SLC12A2: variants seen among roughly 807,000 people sequenced by gnomAD.
SLC12A2 encodes the protein solute carrier family 12 member 2, also known as Na-K-2Cl cotransporter 1.
Under a neutral mutation model 136.3 loss-of-function variants are expected in SLC12A2, and 67 were observed. The ratio of observed to expected loss-of-function variants is 0.49; its 90% CI spans 0.40 to 0.60. The LOEUF (loss-of-function observed/expected upper bound fraction) is 0.60, where lower values mean the gene tolerates loss of function less well. Among genes scored for constraint, SLC12A2 ranks in the 20% least tolerant of loss-of-function variants. The pLI is 0.00. For missense variants in SLC12A2, 1,322 were observed against 1,534.7 expected (o/e 0.86, Z 2.32); for synonymous variants, 619 against 562.9 (o/e 1.10, Z -1.41).
intron 18 of SLC12A2, chr5:128,171,162 A>G (rs2126745707): frequency 6.5e-6 from 1 of 153,030 alleles, no homozygotes; most frequent in East Asian, 1.9e-4. Context: ...AAATCTTTGA[A>G]CCACTGTTCA....
chr5:128,148,666 A>G, intron 11 of SLC12A2, 88 bp from the exon 12 acceptor site: 2 of 1,085,378 alleles, frequency 1.8e-6, no homozygotes, highest in South Asian at 3.3e-5. Flanking sequence ...AGAAACTTGA[A>G]TCTCATTCCT....
intron 15 of SLC12A2, among the ~76,000 whole-genome samples, chr5:128,154,307 T>A (rs1762804522): frequency 6.6e-6 from 1 of 151,784 alleles, no homozygotes. Flanking sequence ...ATACCTGTGG[T>A]CGGGAGACTG....
At chr5:128,157,463 C>T (rs138049856) in intron 15 of SLC12A2, among the ~76,000 whole-genome samples, 1 of 151,994 alleles carries the variant, frequency 6.6e-6, no homozygotes, top group East Asian at 1.9e-4. Flanking sequence ...ACTCATGGGA[C>T]GACAGTCATT....
chr5:128,159,948 T>C (rs549803214), intron 16 of SLC12A2, among the ~76,000 whole-genome samples: 46 of 152,206 alleles, frequency 3.0e-4, no homozygotes, highest in Middle Eastern at 3.2e-3. Flanking sequence ...CGTATGTTTA[T>C]TGTGGCACTG....
chr5:128,159,588 A>T (rs1274926700), intron 16 of SLC12A2, among the ~76,000 whole-genome samples: 1 of 152,232 alleles, frequency 6.6e-6, no homozygotes, highest in African/African-American at 2.4e-5. Flanking sequence ...AAAGTGGGCA[A>T]AGGATATGAA....
At position 128,178,389 on chromosome 5, in the gene SLC12A2, A is replaced by G. The variant is rs547866568; in HGVS notation, c.2978-178A>G. ...AAGAGTTATTTCTCTCTAGCCATTT[A>G]TAAAGTATACTTTTATTATAAACAA... On this transcript the variant is annotated intron_variant, in intron 21 of 26. Coordinates refer to ENST00000262461, the MANE Select transcript of SLC12A2 (RefSeq NM_001046.3). 8 of 383,598 alleles carry G rather than the reference A, an allele frequency of 2.1e-5. No homozygotes were observed. The East Asian group carries it at 3.2e-4, about 15-fold the overall frequency. 23.8% of individuals were successfully genotyped at this position (383,598 alleles called of 1,614,324 possible).
intron 18 of SLC12A2, chr5:128,171,000 G>C (rs967417227): frequency 6.6e-6 from 1 of 152,280 alleles, no homozygotes; most frequent in Non-Finnish European, 1.5e-5. Flanking sequence ...GGAGGCTGAG[G>C]CAGGAGGATT....
Position 128,149,979 on chromosome 5 carries a change from C to T in SLC12A2, c.2006-18C>T, listed in dbSNP as rs752299330. On this transcript the variant is annotated intron_variant, in intron 12 of 26. Coordinates refer to ENST00000262461, the MANE Select transcript of SLC12A2 (RefSeq NM_001046.3). ...ATGTCTAATACGTCAGTAAATCTCGCATGTGTTTGTTCTGCAGCTGAACTG... is the reference window on the plus strand; with the variant it reads ...ATGTCTAATACGTCAGTAAATCTCGTATGTGTTTGTTCTGCAGCTGAACTG... The T allele has an allele frequency of 6.5e-7, 1 of 1,539,074 alleles. No individual in the cohort carries two copies. The highest frequency in any genetic ancestry group is 1.7e-5 in the Admixed American group (1 of 59,632).
At chr5:128,105,796 TCAG>T (rs1351471471) in intron 1 of SLC12A2, among the ~76,000 whole-genome samples, 1 of 152,186 alleles carries the variant, frequency 6.6e-6, no homozygotes, top group Admixed American at 6.5e-5. Context: ...TTCTACATAC[TCAG>T]AAAAGTGTTC....
intron 15 of SLC12A2, among the ~76,000 whole-genome samples, chr5:128,153,416 G>A (rs188942631): frequency 1.4e-4 from 21 of 152,232 alleles, no homozygotes; most frequent in East Asian, 7.7e-4. Context: ...TTAGCCAGGC[G>A]TAGTGGCGCA....
chr5:128,189,476 T>C lies in SLC12A2; in HGVS notation c.*2845T>C, dbSNP rs944570982. ...TTTATATGCATTCTGACATTACATA[T>C]TTTTTAAGACTATGGAAATAATTTA... On this transcript the variant is annotated 3_prime_UTR_variant, in exon 27 of 27. Transcript: ENST00000262461. The C allele has an allele frequency of 6.6e-6, 1 of 152,592 alleles. No homozygotes were observed. Among genetic ancestry groups the C allele is most frequent in the South Asian group, 2.1e-4 (1 of 4,836 alleles). The allele number at this position is 152,592 out of a possible 1,614,324, so 9.5% of individuals were successfully genotyped here.
intron 19 of SLC12A2, chr5:128,171,974 T>C: frequency 2.8e-6 from 1 of 358,980 alleles, no homozygotes; most frequent in Middle Eastern, 7.5e-4. Context: ...TAAAATTCAA[T>C]CCAAAGCATA....
chr5:128,138,330 A>G (rs1418528227), intron 7 of SLC12A2, among the ~76,000 whole-genome samples: 1 of 152,188 alleles, frequency 6.6e-6, no homozygotes, highest in Non-Finnish European at 1.5e-5. Flanking sequence ...GCTAGTCATA[A>G]CAATTCATTC....
chr5:128,137,110 C>A (rs1423140574), intron 7 of SLC12A2, among the ~76,000 whole-genome samples: 1 of 152,160 alleles, frequency 6.6e-6, no homozygotes, highest in Admixed American at 6.5e-5. Flanking sequence ...AGTCCATTGT[C>A]CACACAACAT....
At chr5:128,101,220 T>C (rs1159289923) in intron 1 of SLC12A2, among the ~76,000 whole-genome samples, 1 of 152,168 alleles carries the variant, frequency 6.6e-6, no homozygotes, top group Non-Finnish European at 1.5e-5. Flanking sequence ...TTTAGGATGA[T>C]ATAATTGGCC....
chr5:128,149,494 A>G (rs181579980), intron 12 of SLC12A2, among the ~76,000 whole-genome samples: 241 of 151,966 alleles, frequency 1.6e-3, no homozygotes, highest in African/African-American at 4.9e-3. Flanking sequence ...GCCATATACA[A>G]TAATGTTTCT....
In SLC12A2 at chr5:128,141,944, G is replaced by A; in HGVS notation, c.1736G>A (p.Ser579Asn). 1 of 1,613,976 alleles carries A rather than the reference G, an allele frequency of 6.2e-7. No homozygotes were observed. The highest frequency in any genetic ancestry group is 8.5e-7 in the Non-Finnish European group (1 of 1,179,914). Residue 579 changes from serine to asparagine, a missense_variant, in exon 10 of 27, where the codon AGC becomes AAC. This residue lies in a region of SLC12A2 where 294 missense variants were observed against 436.6 expected (regional missense o/e 0.67). Transcript: ENST00000262461. ...KLNFDFSSCE[S>N]SPCSYGLMNN... ...AACTTTGATTTTTCATCTTGTGAAA[G>A]CAGTCCTTGTTCCTATGGCCTAATG...
At chr5:128,112,967 G>A in intron 2 of SLC12A2, 34 bp downstream of exon 2, 1 of 1,520,350 alleles carries the variant, frequency 6.6e-7, no homozygotes, top group Non-Finnish European at 8.8e-7. Context: ...TATAGTTACA[G>A]CATATCTGTT....
At chr5:128,173,889 A>G (rs895879651) in intron 19 of SLC12A2, among the ~76,000 whole-genome samples, 11 of 152,150 alleles carry the variant, frequency 7.2e-5, no homozygotes, top group African/African-American at 2.2e-4. Flanking sequence ...AATGAAGAAA[A>G]ACTACTTTAA....
Sources: allele counts gnomAD v4.1 joint callset (sites outside exome capture counted in the v4.1 genomes callset), GRCh38; gene constraint gnomAD v4.1.1; regional missense constraint gnomAD v4.1.1; transcripts MANE v1.5; gene names NCBI Gene and HGNC (gene_info 2026-07-23, HGNC 2026-07-21).